Variants in IGF2R observed in about 807,000 individuals in gnomAD.
IGF2R encodes insulin like growth factor 2 receptor, also known as cation-independent mannose-6-phosphate receptor.
In IGF2R, 91 loss-of-function variants were observed where a neutral mutation model predicts 270.6. That is an observed-to-expected ratio of 0.34 (90% CI 0.28 to 0.40). The LOEUF (loss-of-function observed/expected upper bound fraction) is 0.40, where lower values mean the gene tolerates loss of function less well. Among genes scored for constraint, IGF2R ranks in the 10% least tolerant of loss-of-function variants. The pLI is 1.00. For synonymous variants in IGF2R, 1,316 were observed against 1,258.9 expected (o/e 1.05, Z -0.96); for missense variants, 2,805 against 3,188.3 (o/e 0.88, Z 2.90).
intron 44 of IGF2R, chr6:160,093,135 G>A (rs150135073): frequency 2.1e-3 from 328 of 155,328 alleles, no homozygotes; most frequent in Non-Finnish European, 3.9e-3. Context: ...CAGCTCTCCC[G>A]TGGAATCAGA....
At chr6:159,988,095 T>G (rs1783915887) in intron 1 of IGF2R, among the ~76,000 whole-genome samples, 1 of 152,206 alleles carries the variant, frequency 6.6e-6, no homozygotes, top group African/African-American at 2.4e-5. Flanking sequence ...GCAACCCTGA[T>G]TTCCAGATTA....
In IGF2R at chr6:160,111,500, G is replaced by A. The variant is rs1462342778; in HGVS notation, c.*6416G>A. ...TACAGTATATAATACATACAACATC[G>A]AAAATATGTGTTAATTGACTCTGTT... is the stretch of plus-strand genomic sequence containing the variant. On this transcript the variant is annotated 3_prime_UTR_variant, in exon 48 of 48. Coordinates refer to ENST00000356956, the MANE Select transcript of IGF2R (RefSeq NM_000876.4). 2 of 151,928 alleles carry A rather than the reference G, an allele frequency of 1.3e-5. No individual in the cohort carries two copies. The highest frequency in any genetic ancestry group is 4.8e-5 in the African/African-American group (2 of 41,326). 9.4% of individuals were successfully genotyped at this position (151,928 alleles called of 1,614,324 possible). A position where few individuals can be genotyped will look rare whatever the true frequency, so the allele number is the denominator to read the frequency against.
intron 23 of IGF2R, among the ~76,000 whole-genome samples, chr6:160,061,204 A>T (rs2115262203): frequency 6.6e-6 from 1 of 151,994 alleles, no homozygotes; most frequent in Middle Eastern, 3.4e-3. Flanking sequence ...GTCTTTAGGG[A>T]CTCACTATGT....
intron 4 of IGF2R, among the ~76,000 whole-genome samples, chr6:160,013,245 A>G (rs1205295246): frequency 1.3e-5 from 2 of 152,146 alleles, no homozygotes; most frequent in Admixed American, 6.5e-5. Flanking sequence ...GAAATCACCA[A>G]CTACAGCCCA....
intron 1 of IGF2R, among the ~76,000 whole-genome samples, chr6:159,972,687 A>T (rs1783628157): frequency 6.6e-6 from 1 of 152,118 alleles, no homozygotes; most frequent in Admixed American, 6.5e-5. Flanking sequence ...GGCTCTGAGC[A>T]CTCCTGGGAT....
chr6:160,009,043 T>C lies in IGF2R; in HGVS notation c.323T>C (p.Leu108Pro). The change falls in exon 3 of 48, where the codon CTC (leucine) becomes CCC (proline). Residue 108 changes from leucine to proline, a missense_variant. Leu to Pro is a moderately conservative substitution (Grantham distance 98). This residue lies in a region of IGF2R where 954 missense variants were observed against 981.1 expected (regional missense o/e 0.97). Transcript: ENST00000356956. Reference sequence around the variant, plus strand: ...GTTTTGAGAAGTGCAACCAGATCTCTCCTGGAATTCAACACAACAGTGAGC... The same window carrying C: ...GTTTTGAGAAGTGCAACCAGATCTCCCCTGGAATTCAACACAACAGTGAGC... ...DSVLRSATRSLLEFNTTVSCD... is the reference protein window; with the variant it reads ...DSVLRSATRSPLEFNTTVSCD... 1.2e-6 allele frequency: 2 copies of C among 1,613,978 alleles called. No homozygotes were observed. Among genetic ancestry groups the C allele is most frequent in the Non-Finnish European group, 1.7e-6 (2 of 1,179,852 alleles).
rs1778352600 is a variant in IGF2R, at chr6:160,058,125, G to T, written c.2898+1G>T. ...CTCTGGCATTGGGAAGATTTTTATGGTAAGAGCGATATGATGCATTTCCAG... is the reference window on the plus strand; with the variant it reads ...CTCTGGCATTGGGAAGATTTTTATGTTAAGAGCGATATGATGCATTTCCAG... On this transcript the variant is annotated splice_donor_variant, in intron 21 of 47. Transcript: ENST00000356956. LOFTEE classifies it high-confidence loss of function. 1 of 1,588,336 alleles carries T rather than the reference G, an allele frequency of 6.3e-7. No individual in the cohort carries two copies. Among genetic ancestry groups the T allele is most frequent in the Non-Finnish European group, 8.6e-7 (1 of 1,156,566 alleles).
rs750546905 is a variant in IGF2R, at chr6:160,046,641, A to G, written c.2047A>G (p.Lys683Glu). Residue 683 changes from lysine (K) to glutamate (E), a missense_variant, in exon 15 of 48, where the codon AAA becomes GAA. Lys to Glu is a moderately conservative substitution (Grantham distance 56). This residue lies in a region of IGF2R where 954 missense variants were observed against 981.1 expected (regional missense o/e 0.97). Transcript: ENST00000356956. ...QPDSGACQVA[K>E]SDEKTWNLGL... Reference sequence around the variant, plus strand: ...AGACTCAGGAGCCTGCCAGGTGGCAAAAAGGCAAGTAGCTTCTCAGTTCTG... The same window carrying G: ...AGACTCAGGAGCCTGCCAGGTGGCAGAAAGGCAAGTAGCTTCTCAGTTCTG... 1.9e-6 allele frequency: 3 copies of G among 1,611,026 alleles called. No homozygotes were observed. Among genetic ancestry groups the G allele is most frequent in the Admixed American group, 1.7e-5 (1 of 58,754 alleles).
At chr6:160,104,629 G>C in intron 47 of IGF2R, 45 bp from the exon 48 acceptor site, 1 of 1,569,686 alleles carries the variant, frequency 6.4e-7, no homozygotes, top group African/African-American at 1.3e-5. Flanking sequence ...GCAGAATGGG[G>C]TCTCTTAGGG....
intron 45 of IGF2R, among the ~76,000 whole-genome samples, chr6:160,097,577 G>A (rs946282316): frequency 1.3e-5 from 2 of 152,208 alleles, no homozygotes; most frequent in African/African-American, 2.4e-5. Context: ...TAATCTGCCT[G>A]CCTTGGCCTC....
chr6:160,036,790 G>A (rs1465631910), intron 10 of IGF2R, among the ~76,000 whole-genome samples: 2 of 151,946 alleles, frequency 1.3e-5, no homozygotes, highest in African/African-American at 4.8e-5. Context: ...AAGAAGACCC[G>A]CAGTAGAGTG....
Position 160,009,131 on chromosome 6 carries a change from C to T in IGF2R, c.411C>T (p.Thr137=), listed in dbSNP as rs1367849223. 3 of 1,613,402 alleles carry T rather than the reference C, an allele frequency of 1.9e-6. No individual in the cohort carries two copies. The highest frequency in any genetic ancestry group is 1.7e-6 in the Non-Finnish European group (2 of 1,179,734). ...QSSIAFLCGK[T]LGTPEFVTAT... is the part of the protein sequence containing the mutation. ...GCATTGCCTTCCTGTGTGGGAAAAC[C>T]CTGGTGAGTCCACACAGGCACTTGA... The change falls in exon 3 of 48, where the codon ACC becomes ACT. Residue 137 remains threonine, a synonymous_variant. Transcript: ENST00000356956.
At chr6:160,074,144 A>G in intron 35 of IGF2R, 169 bp downstream of exon 35, 1 of 607,006 alleles carries the variant, frequency 1.6e-6, no homozygotes, top group Non-Finnish European at 2.9e-6. Flanking sequence ...AAAGGTTTGC[A>G]CATTGAACTG....
chr6:159,986,487 C>T (rs909911801), intron 1 of IGF2R, among the ~76,000 whole-genome samples: 7 of 149,658 alleles, frequency 4.7e-5, no homozygotes, highest in African/African-American at 7.4e-5. Flanking sequence ...AGGCTGGTCT[C>T]GAACTCCTGA....
chr6:160,077,872 G>T (rs1232454371), intron 36 of IGF2R, among the ~76,000 whole-genome samples: 6 of 152,218 alleles, frequency 3.9e-5, no homozygotes, highest in Non-Finnish European at 8.8e-5. Flanking sequence ...GTGAGGCAGG[G>T]TCTCAGTTTC....
chr6:160,067,904 G>A (rs1484788600), intron 29 of IGF2R, among the ~76,000 whole-genome samples: 1 of 152,182 alleles, frequency 6.6e-6, no homozygotes, highest in East Asian at 1.9e-4. Flanking sequence ...GCTTACCTTT[G>A]TCACCAGCAA....
At chr6:160,028,019 C>A (rs963983799) in intron 6 of IGF2R, among the ~76,000 whole-genome samples, 6 of 152,212 alleles carry the variant, frequency 3.9e-5, no homozygotes, top group African/African-American at 1.4e-4. Context: ...TTGAGCGTAA[C>A]CTGAGGGGAA....
chr6:160,053,996 G>A (rs552044005), intron 19 of IGF2R, among the ~76,000 whole-genome samples: 29 of 152,212 alleles, frequency 1.9e-4, no homozygotes, highest in African/African-American at 6.0e-4. Flanking sequence ...TGGGATTATA[G>A]GTATGAGCCA....
rs549252616 is a variant in IGF2R at position 160,102,225 on chromosome 6, C to G, written c.6843-294C>G. On this transcript the variant is annotated intron_variant, in intron 45 of 47. Coordinates refer to ENST00000356956, the MANE Select transcript of IGF2R (RefSeq NM_000876.4). The surrounding 1 kb of genome is among the most constrained non-coding windows in gnomAD (Gnocchi z 4.5). ...GGATTGGGCCACCTAGAGGGGGCCG[C>G]GTCCCTCCTGCCTGTCTCCTCTGTG... Among the ~76,000 whole-genome samples, 2 of 152,184 alleles carry G rather than the reference C, an allele frequency of 1.3e-5. No homozygotes were observed.
Sources: allele counts gnomAD v4.1 joint callset (sites outside exome capture counted in the v4.1 genomes callset), GRCh38; gene constraint gnomAD v4.1.1; regional missense constraint gnomAD v4.1.1; non-coding constraint Gnocchi (gnomAD v3.1); transcripts MANE v1.5; gene names NCBI Gene and HGNC (gene_info 2026-07-23, HGNC 2026-07-21).